Variants in NELL2 observed in about 807,000 individuals in gnomAD.
NELL2 encodes protein kinase C-binding protein NELL2.
Under a neutral mutation model 109.6 loss-of-function variants are expected in NELL2, and 41 were observed. The observed-to-expected ratio is 0.37, with a 90% CI of 0.29 to 0.49. The LOEUF (loss-of-function observed/expected upper bound fraction) is 0.49. Ranked by LOEUF, NELL2 falls within the 20% of genes least tolerant of loss-of-function variation. The pLI is 0.98. For synonymous variants in NELL2, 355 were observed against 344.7 expected, an observed-to-expected ratio of 1.03 and a Z score of -0.33; for missense variants, 900 against 1,008.3, an observed-to-expected ratio of 0.89 and a Z score of 1.45.
At chr12:44,628,904 T>C (rs983379674) in intron 13 of NELL2, among the ~76,000 whole-genome samples, 4 of 152,198 alleles carry the variant, frequency 2.6e-5, no homozygotes, top group African/African-American at 9.7e-5. Context: ...TATGTCATAA[T>C]TCTAAATTTG....
rs140796517 is a variant in NELL2 at position 44,719,182 on chromosome 12, A to G, written c.995-4441T>C. Among the ~76,000 whole-genome samples the G allele has an allele frequency of 8.3e-3, 1,270 of 152,314 alleles. 16 individuals are homozygous for G. Among genetic ancestry groups the G allele is most frequent in the African/African-American group, 0.029 (1,209 of 41,574 alleles). ...TAGGAGCCAAGAGATGCTACAGACA[A>G]ATTTAGAAGTCATCAGTTGTTAAAA... is the stretch of plus-strand genomic sequence containing the variant. On this transcript the variant is annotated intron_variant, in intron 9 of 19. Coordinates refer to ENST00000429094, the MANE Select transcript of NELL2 (RefSeq NM_001145108.2).
Position 44,523,438 on chromosome 12 carries a change from G to A in NELL2, c.1851C>T (p.Thr617=). The stretch of plus-strand genomic sequence containing the variant: ...ATCCGCCATCCAAATTGAAGCAAAT[G>A]GTATCATTGGCACAGCTGTGCCTCC... ...GTGRHSCAND[T]ICFNLDGGYD... The change falls in exon 17 of 20, where the codon ACC becomes ACT. Residue 617 remains threonine (T), a synonymous_variant. Coordinates refer to ENST00000429094, the MANE Select transcript of NELL2 (RefSeq NM_001145108.2). 2 of 1,614,006 alleles carry A rather than the reference G, an allele frequency of 1.2e-6. No individual in the cohort carries two copies. The highest frequency in any genetic ancestry group is 1.7e-6 in the Non-Finnish European group (2 of 1,180,006).
rs1453884502 is a variant in NELL2, at chr12:44,882,548, G to A, written c.39-6648C>T. 3.3e-5 allele frequency among the ~76,000 whole-genome samples: 5 copies of A among 151,266 alleles called. No individual in the cohort carries two copies. The East Asian group carries it at 7.8e-4, about 24-fold the overall frequency. ...TACATATATATCCTTATTTTTTTGA[G>A]ATGGAGTCTCACTCTGTCACTCAGG... On this transcript the variant is annotated intron_variant, in intron 1 of 20. Coordinates refer to the NELL2 transcript ENST00000333837.
At position 44,736,300 on chromosome 12, in the gene NELL2, C is replaced by T. The variant is rs570049766; in HGVS notation, c.995-21559G>A. 7.8e-4 allele frequency among the ~76,000 whole-genome samples: 118 copies of T among 152,006 alleles called. 1 individual carries two copies. Among genetic ancestry groups the T allele is most frequent in the African/African-American group, 2.4e-3 (98 of 41,450 alleles). On this transcript the variant is annotated intron_variant, in intron 9 of 19. Transcript: ENST00000429094. ...CTGGGATTACAGGCGTGAGCCACCG[C>T]GCCCGGCCTTCTTTATTTTTTTAAA...
At chr12:44,659,643 C>A (rs745637369) in intron 13 of NELL2, among the ~76,000 whole-genome samples, 1 of 151,992 alleles carries the variant, frequency 6.6e-6, no homozygotes, top group Non-Finnish European at 1.5e-5. Context: ...TAAAAAAATT[C>A]AACATCAACC....
intron 9 of NELL2, among the ~76,000 whole-genome samples, chr12:44,772,344 T>A (rs902658208): frequency 4.6e-5 from 7 of 152,202 alleles, no homozygotes; most frequent in East Asian, 1.9e-4. Flanking sequence ...CCACTTTTTT[T>A]AAATACATAT....
intron 15 of NELL2, among the ~76,000 whole-genome samples, chr12:44,563,228 T>G (rs1050310065): frequency 1.3e-5 from 2 of 151,964 alleles, no homozygotes; most frequent in Admixed American, 6.6e-5. Flanking sequence ...ACAGGTTGAT[T>G]GGTGCAGCAA....
chr12:44,701,413 A>T (rs1381764589), intron 12 of NELL2, among the ~76,000 whole-genome samples: 5 of 152,158 alleles, frequency 3.3e-5, no homozygotes, highest in African/African-American at 1.2e-4. Context: ...AGATGAAAAC[A>T]GCTGCCAACC....
At chr12:44,513,569 G>T (rs1239629077) in intron 19 of NELL2, among the ~76,000 whole-genome samples, 1 of 151,762 alleles carries the variant, frequency 6.6e-6, no homozygotes, top group African/African-American at 2.4e-5. Context: ...ACTTGGCAGA[G>T]AAATTAAACT....
At chr12:44,917,660 G>A (rs183205041), upstream of NELL2, among the ~76,000 whole-genome samples, 39 of 152,144 alleles carry the variant, frequency 2.6e-4, no homozygotes, top group African/African-American at 9.4e-4. Flanking sequence ...GGTAATTAAG[G>A]TCCCAAATCA....
intron 1 of NELL2, among the ~76,000 whole-genome samples, chr12:44,897,942 C>T (rs557103131): frequency 5.9e-5 from 9 of 152,268 alleles, no homozygotes; most frequent in South Asian, 4.1e-4. Context: ...GAGGGGCATC[C>T]GCCATTACTG....
chr12:44,873,930 C>A (rs989201717), intron 2 of NELL2, among the ~76,000 whole-genome samples: 1 of 152,054 alleles, frequency 6.6e-6, no homozygotes, highest in Non-Finnish European at 1.5e-5. Flanking sequence ...ATATTTGTTA[C>A]AATAAAAAAT....
intron 15 of NELL2, among the ~76,000 whole-genome samples, chr12:44,551,550 T>C (rs1276378699): frequency 2.0e-5 from 3 of 152,126 alleles, no homozygotes; most frequent in Non-Finnish European, 4.4e-5. Context: ...TTCTCTCTCC[T>C]CTCTCAATGG....
At chr12:44,566,533 TCACACACACACACACA>T (rs3071958) in intron 15 of NELL2, among the ~76,000 whole-genome samples, 3 of 148,762 alleles carry the variant, frequency 2.0e-5, no homozygotes, top group African/African-American at 5.0e-5. Flanking sequence ...TTACACATAC[TCACACACACACACACA>T]CACACACACA....
chr12:44,902,255 T>G lies in NELL2; in HGVS notation c.38+11544A>C, dbSNP rs113664774. ...AATCACAAGCATTCCTATACACCAA[T>G]AGTAGACAAATAGAGACCTAAATCA... is the stretch of plus-strand genomic sequence containing the variant. On this transcript the variant is annotated intron_variant, in intron 1 of 20. Transcript: ENST00000333837. Among the ~76,000 whole-genome samples the G allele has an allele frequency of 5.8e-3, 881 of 152,126 alleles. 6 individuals carry two copies. Among genetic ancestry groups the G allele is most frequent in the African/African-American group, 0.02 (839 of 41,508 alleles).
intron 12 of NELL2, among the ~76,000 whole-genome samples, chr12:44,696,583 G>A (rs1189896920): frequency 6.6e-6 from 1 of 152,104 alleles, no homozygotes; most frequent in East Asian, 1.9e-4. Flanking sequence ...GCACTATTCA[G>A]AATAATTTTT....
intron 13 of NELL2, among the ~76,000 whole-genome samples, chr12:44,643,165 A>G (rs1946924296): frequency 6.6e-6 from 1 of 152,232 alleles, no homozygotes; most frequent in Admixed American, 6.5e-5. Context: ...ACACTATAGA[A>G]GTGTATCCTA....
At chr12:44,535,584 C>G (rs1203046443) in intron 15 of NELL2, among the ~76,000 whole-genome samples, 1 of 151,786 alleles carries the variant, frequency 6.6e-6, no homozygotes. Context: ...ACAGTATTTC[C>G]AAACATGCAA....
At chr12:44,647,748 A>AG (rs397726766) in intron 13 of NELL2, among the ~76,000 whole-genome samples, 1 of 151,858 alleles carries the variant, frequency 6.6e-6, no homozygotes, top group Admixed American at 6.6e-5. Context: ...GTGAAGAAAA[A>AG]ATAAAAAATA....
Sources: allele counts gnomAD v4.1 joint callset (sites outside exome capture counted in the v4.1 genomes callset), GRCh38; gene constraint gnomAD v4.1.1; transcripts MANE v1.5; gene names NCBI Gene and HGNC (gene_info 2026-07-23, HGNC 2026-07-21).